Variants in NOL12 observed in about 807,000 individuals in gnomAD.
NOL12 encodes the protein nucleolar protein 12.
In NOL12, 21 loss-of-function variants were observed where a neutral mutation model predicts 25.2. The observed-to-expected ratio is 0.83, with a 90% confidence interval of 0.59 to 1.20. The LOEUF (loss-of-function observed/expected upper bound fraction) is 1.20. NOL12 is among the 50% of genes most tolerant of loss of function. NOL12 has a pLI of 0.00. For synonymous variants in NOL12, 133 were observed against 113.8 expected (o/e 1.17, Z -1.08); for missense variants, 286 against 287.6 (o/e 0.99, Z 0.04).
chr22:37,687,688 C>T (rs183932894), intron 1 of NOL12: 7 of 396,390 alleles, frequency 1.8e-5, no homozygotes, highest in Non-Finnish European at 3.3e-5. Context: ...GAACTCCTGG[C>T]GTCATGTGAT....
intron 4 of NOL12, among the ~76,000 whole-genome samples, chr22:37,690,063 C>T (rs574576999): frequency 2.7e-4 from 41 of 152,330 alleles, no homozygotes; most frequent in African/African-American, 7.7e-4. Flanking sequence ...CCCAGCTACT[C>T]GGGAGGCTGA....
rs1433929469 is a variant in NOL12, at chr22:37,692,682, C to T, written c.*1346C>T. The T allele has an allele frequency of 5.0e-6, 2 of 398,818 alleles. No homozygotes were observed. The highest frequency in any genetic ancestry group is 8.8e-6 in the Non-Finnish European group (2 of 226,308). The allele number at this position is 398,818 out of a possible 1,614,324, so 24.7% of individuals were successfully genotyped here. ...GATGACAGGACAGTGCGGTGAGGGG[C>T]ATCTGCGACAGGACTGCGGGCTCTA... is the stretch of plus-strand genomic sequence containing the variant. On this transcript the variant is annotated 3_prime_UTR_variant, in exon 6 of 6. Coordinates refer to ENST00000359114, the MANE Select transcript of NOL12 (RefSeq NM_024313.3).
At position 37,693,254 on chromosome 22, in the gene NOL12, C is replaced by G. The variant is rs1280908445; in HGVS notation, c.*1918C>G. The G allele has an allele frequency of 6.6e-6, 1 of 152,480 alleles. No individual in the cohort carries two copies. The highest frequency in any genetic ancestry group is 1.5e-5 in the Non-Finnish European group (1 of 68,192). The allele number at this position is 152,480 out of a possible 1,614,324, so 9.4% of individuals were successfully genotyped here. On this transcript the variant is annotated 3_prime_UTR_variant, in exon 6 of 6. Transcript: ENST00000359114. ...TCATGTGTAAGGTGACACCAGATAC[C>G]TACCTCTTAGGGCTGCCCCGAGACT... is the stretch of plus-strand genomic sequence containing the variant.
Position 37,691,876 on chromosome 22 carries a change from T to G in NOL12, c.*540T>G. On this transcript the variant is annotated 3_prime_UTR_variant, in exon 6 of 6. Coordinates refer to ENST00000359114, the MANE Select transcript of NOL12 (RefSeq NM_024313.3). ...GCCAGTGGGGGAGCAGTGCCCCCCATGCCCTTCACCGAGGAGCCTCTGTGC... is the reference window on the plus strand; with the variant it reads ...GCCAGTGGGGGAGCAGTGCCCCCCAGGCCCTTCACCGAGGAGCCTCTGTGC... 1 of 152,714 alleles carries G rather than the reference T, an allele frequency of 6.5e-6. No homozygotes were observed. The highest frequency in any genetic ancestry group is 1.5e-5 in the Non-Finnish European group (1 of 68,346). The allele number at this position is 152,714 out of a possible 1,614,324, so 9.5% of individuals were successfully genotyped here.
Position 37,692,428 on chromosome 22 carries a change from G to A in NOL12, c.*1092G>A, listed in dbSNP as rs180734284. On this transcript the variant is annotated 3_prime_UTR_variant, in exon 6 of 6. Coordinates refer to ENST00000359114, the MANE Select transcript of NOL12 (RefSeq NM_024313.3). ...TAGCCCCCACCAGAGTAGACCCTGC[G>A]GGTGCCAGCTAGAACTCCACAAGGG... 2.8e-5 allele frequency: 11 copies of A among 398,558 alleles called. No individual in the cohort carries two copies. The highest frequency in any genetic ancestry group is 1.2e-4 in the African/African-American group (6 of 48,742). The allele number at this position is 398,558 out of a possible 1,614,324, so 24.7% of individuals were successfully genotyped here.
rs1922043358 is a variant in NOL12, at chr22:37,691,026, G to T, written c.480-148G>T. 2.1e-5 allele frequency: 20 copies of T among 945,536 alleles called. No individual in the cohort carries two copies. In the South Asian group the frequency reaches 3.2e-4, roughly 15 times the overall value. 58.6% of individuals were successfully genotyped at this position (945,536 alleles called of 1,614,324 possible). On this transcript the variant is annotated intron_variant, in intron 5 of 5. Coordinates refer to ENST00000359114, the MANE Select transcript of NOL12 (RefSeq NM_024313.3). ...CCTGTGTCTCTGAGCTGAGTTGCTG[G>T]CAGGCACTCTGGAGGTAGAGCAGGC...
Position 37,691,414 on chromosome 22 carries a change from C to G in NOL12, c.*78C>G. 2 of 1,455,100 alleles carry G rather than the reference C, an allele frequency of 1.4e-6. No individual in the cohort carries two copies. The highest frequency in any genetic ancestry group is 1.4e-5 in the South Asian group (1 of 72,118). 90.1% of individuals were successfully genotyped at this position (1,455,100 alleles called of 1,614,324 possible). A position where few individuals can be genotyped will look rare whatever the true frequency, so the allele number is the denominator to read the frequency against. On this transcript the variant is annotated 3_prime_UTR_variant, in exon 6 of 6. Coordinates refer to ENST00000359114, the MANE Select transcript of NOL12 (RefSeq NM_024313.3). ...CAGCTTGGCTGTCCCTGTAGCCCAG[C>G]CTGCACCTAGGTAATGACTGCACAG...
chr22:37,691,555 T>G lies in NOL12; in HGVS notation c.*219T>G. The stretch of plus-strand genomic sequence containing the variant: ...AGGAGCAGGCAGCTGAGAGCAGGCC[T>G]CCCCCAGGAAGAGCCTTCAGAGCCA... On this transcript the variant is annotated 3_prime_UTR_variant, in exon 6 of 6. Transcript: ENST00000359114. 1 of 531,442 alleles carries G rather than the reference T, an allele frequency of 1.9e-6. No homozygotes were observed. Among genetic ancestry groups the G allele is most frequent in the South Asian group, 4.0e-5 (1 of 24,976 alleles). 32.9% of individuals were successfully genotyped at this position (531,442 alleles called of 1,614,324 possible). A position where few individuals can be genotyped will look rare whatever the true frequency, so the allele number is the denominator to read the frequency against.
In NOL12 at chr22:37,687,943, C is replaced by T. The variant is rs767529367; in HGVS notation, c.117C>T (p.Val39=). 2.2e-5 allele frequency: 35 copies of T among 1,585,096 alleles called. No homozygotes were observed. The highest frequency in any genetic ancestry group is 1.7e-4 in the Middle Eastern group (1 of 5,874). ...TGACAGGCTTCCACAAGCGGAAGGT[C>T]GAGCGAAAGAAGGCAGCCATTGAGG... ...EYLTGFHKRK[V]ERKKAAIEEI... Residue 39 remains valine (V), a synonymous_variant, in exon 2 of 6, where the codon GTC becomes GTT. Coordinates refer to ENST00000359114, the MANE Select transcript of NOL12 (RefSeq NM_024313.3).
intron 1 of NOL12, 44 bp downstream of exon 1, chr22:37,686,519 G>C (rs368567899): frequency 6.5e-7 from 1 of 1,541,512 alleles, no homozygotes; most frequent in Non-Finnish European, 8.7e-7. Flanking sequence ...GCTGTTCTTC[G>C]CGGCCAAGGC....
intron 5 of NOL12, 80 bp from the exon 6 acceptor site, chr22:37,691,094 T>C: frequency 6.7e-7 from 1 of 1,497,982 alleles, no homozygotes. Context: ...TCGCAACCTG[T>C]CCTGACATCC....
intron 4 of NOL12, among the ~76,000 whole-genome samples, chr22:37,689,992 A>G (rs967175802): frequency 3.3e-5 from 5 of 152,218 alleles, no homozygotes; most frequent in Admixed American, 6.5e-5. Context: ...ACCAACGTGG[A>G]GAAACCCTGT....
At chr22:37,688,550 A>G (rs1389803852) in intron 3 of NOL12, among the ~76,000 whole-genome samples, 190 bp downstream of exon 3, 2 of 152,142 alleles carry the variant, frequency 1.3e-5, no homozygotes, top group South Asian at 2.1e-4. Context: ...CCCAAACCCC[A>G]TGGTTAACCA....
chr22:37,691,302 G>A lies in NOL12; in HGVS notation c.608G>A (p.Arg203His), dbSNP rs144538833. 9.9e-6 allele frequency: 16 copies of A among 1,613,444 alleles called. No individual in the cohort carries two copies. Among genetic ancestry groups the A allele is most frequent in the African/African-American group, 2.7e-5 (2 of 74,928 alleles). Reference protein sequence around the residue: ...APRTSKAQRRRLTGKARHSGE With the variant: ...APRTSKAQRRHLTGKARHSGE ...CGTACCAGCAAGGCCCAGCGCCGCC[G>A]TCTCACAGGCAAAGCACGGCACAGC... Residue 203 changes from arginine to histidine, a missense_variant, in exon 6 of 6, where the codon CGT becomes CAT. Coordinates refer to ENST00000359114, the MANE Select transcript of NOL12 (RefSeq NM_024313.3).
rs374027457 is a variant in NOL12 at position 37,691,348 on chromosome 22, A to G, written c.*12A>G. 1.1e-4 allele frequency: 171 copies of G among 1,598,302 alleles called. 2 individuals carry two copies. The African/African-American group carries it at 2.1e-3, about 20-fold the overall frequency. On this transcript the variant is annotated 3_prime_UTR_variant, in exon 6 of 6. Coordinates refer to ENST00000359114, the MANE Select transcript of NOL12 (RefSeq NM_024313.3). Reference sequence around the variant, plus strand: ...ACAGCGGGGAGTGAGACCGAGAACGAAGCGGTGCCCCAGTCTAGGCTGCGG... The same window carrying G: ...ACAGCGGGGAGTGAGACCGAGAACGGAGCGGTGCCCCAGTCTAGGCTGCGG...
At chr22:37,689,671 A>G (rs1569024887) in intron 4 of NOL12, among the ~76,000 whole-genome samples, 2 of 152,254 alleles carry the variant, frequency 1.3e-5, no homozygotes, top group Non-Finnish European at 2.9e-5. Context: ...ACGATATAAA[A>G]CACATTTCCT....
intron 2 of NOL12, 141 bp downstream of exon 2, chr22:37,688,156 CTG>C: frequency 2.8e-6 from 3 of 1,065,030 alleles, no homozygotes; most frequent in Non-Finnish European, 4.2e-6. Flanking sequence ...GGTGGAGACT[CTG>C]TGGGCCCGGG....
In NOL12 at chr22:37,688,368, GC is replaced by G; in HGVS notation, c.238+9del. On this transcript the variant is annotated intron_variant, in intron 3 of 5. Coordinates refer to ENST00000359114, the MANE Select transcript of NOL12 (RefSeq NM_024313.3). ...AGAGAGAAGAGGCTCTGGGTAAGTG[GC>G]ATGCTTGGCCTGACCTGGAGAACAG... 2.5e-6 allele frequency: 4 copies of G among 1,614,070 alleles called. No homozygotes were observed. Among genetic ancestry groups the G allele is most frequent in the Non-Finnish European group, 1.7e-6 (2 of 1,179,896 alleles).
At chr22:37,690,126 G>A (rs929427081) in intron 4 of NOL12, among the ~76,000 whole-genome samples, 2 of 152,160 alleles carry the variant, frequency 1.3e-5, no homozygotes, top group African/African-American at 4.8e-5. Flanking sequence ...AGCCGAGATC[G>A]TGCCATTGCA....
Sources: allele counts gnomAD v4.1 joint callset (sites outside exome capture counted in the v4.1 genomes callset), GRCh38; gene constraint gnomAD v4.1.1; transcripts MANE v1.5; gene names NCBI Gene and HGNC (gene_info 2026-07-23, HGNC 2026-07-21).